Variants in STK35 observed in about 807,000 individuals in gnomAD.
STK35 encodes serine/threonine kinase 35.
Under a neutral mutation model 37.3 loss-of-function variants are expected in STK35, and 17 were observed. The observed-to-expected ratio is 0.46, with a 90% CI of 0.31 to 0.68. The LOEUF (loss-of-function observed/expected upper bound fraction) is 0.68. Among genes scored for constraint, STK35 ranks in the 30% least tolerant of loss-of-function variants. STK35 has a pLI of 0.05. For synonymous variants in STK35, 385 were observed against 319.1 expected (o/e 1.21, Z -2.20); for missense variants, 595 against 746.7 (o/e 0.80, Z 2.37).
chr20:2,102,147 C>G lies in STK35; in HGVS notation c.266C>G (p.Ala89Gly). The G allele has an allele frequency of 3.6e-6, 5 of 1,375,042 alleles. No homozygotes were observed. Among genetic ancestry groups the G allele is most frequent in the Non-Finnish European group, 4.7e-6 (5 of 1,062,540 alleles). 85.2% of individuals were successfully genotyped at this position (1,375,042 alleles called of 1,614,324 possible). A position where few individuals can be genotyped will look rare whatever the true frequency, so the allele number is the denominator to read the frequency against. ...PQAGAPGGKR[A>G]ARKWRCAGQV... is the part of the protein sequence containing the mutation. The stretch of plus-strand genomic sequence containing the variant: ...GCAGGGGCTCCAGGGGGGAAACGGG[C>G]CGCCCGGAAGTGGAGGTGCGCGGGC... Residue 89 changes from alanine (A) to glycine (G), a missense_variant, in exon 1 of 4, where the codon GCC becomes GGC. Physicochemically the swap from Ala to Gly is moderately conservative, Grantham distance 60. Around this residue, in one of 3 missense-constraint regions of STK35, gnomAD observed 389 missense variants for 320.0 expected, o/e 1.22. Coordinates refer to ENST00000381482, the MANE Select transcript of STK35 (RefSeq NM_080836.4).
Position 2,102,102 on chromosome 20 carries a change from C to A in STK35, c.221C>A (p.Pro74His). Residue 74 changes from proline (P) to histidine (H), a missense_variant, in exon 1 of 4, where the codon CCC becomes CAC. Physicochemically the swap from Pro to His is moderately conservative, Grantham distance 77. Transcript: ENST00000381482. ...RAARSRRQPGPGADHPQAGAP... is the reference protein window; with the variant it reads ...RAARSRRQPGHGADHPQAGAP... Reference sequence around the variant, plus strand: ...GCTCGGTCCCGGAGGCAGCCCGGGCCCGGAGCGGACCATCCCCAGGCAGGG... The same window carrying A: ...GCTCGGTCCCGGAGGCAGCCCGGGCACGGAGCGGACCATCCCCAGGCAGGG... The A allele has an allele frequency of 3.4e-6, 5 of 1,460,042 alleles. No individual in the cohort carries two copies. The highest frequency in any genetic ancestry group is 4.5e-6 in the Non-Finnish European group (5 of 1,104,760). 90.4% of individuals were successfully genotyped at this position (1,460,042 alleles called of 1,614,324 possible). A position where few individuals can be genotyped will look rare whatever the true frequency, so the allele number is the denominator to read the frequency against.
rs1324640690 is a variant in STK35 at position 2,116,769 on chromosome 20, A to G, written c.996A>G (p.Pro332=). Residue 332 remains proline, a synonymous_variant, in exon 3 of 4, where the codon CCA becomes CCG. Coordinates refer to ENST00000381482, the MANE Select transcript of STK35 (RefSeq NM_080836.4). ...ATCAGTATGTCCTGTCCCGGAGGCC[A>G]GACCCAGCCACCAACAAAAGTTTCA... ...DLNQYVLSRR[P]DPATNKSFML... 22 of 1,614,112 alleles carry G rather than the reference A, an allele frequency of 1.4e-5. No homozygotes were observed. Among genetic ancestry groups the G allele is most frequent in the Non-Finnish European group, 1.9e-5 (22 of 1,180,044 alleles).
chr20:2,140,981 C>T (rs533316332), intron 3 of STK35, among the ~76,000 whole-genome samples: 14 of 152,166 alleles, frequency 9.2e-5, no homozygotes, highest in Non-Finnish European at 1.9e-4. Context: ...AGGAGATTGT[C>T]CGCAGGGAGG....
chr20:2,109,705 A>G (rs990718417), intron 2 of STK35, among the ~76,000 whole-genome samples: 9 of 152,232 alleles, frequency 5.9e-5, no homozygotes, highest in Non-Finnish European at 1.2e-4. Context: ...AGTCTGCTCT[A>G]GTGTCCAGGC....
intron 3 of STK35, among the ~76,000 whole-genome samples, chr20:2,128,424 A>G (rs904648890): frequency 1.1e-4 from 17 of 152,126 alleles, no homozygotes; most frequent in Non-Finnish European, 2.2e-4. Context: ...CAGAGAACCA[A>G]GGTACCTGAA....
intron 3 of STK35, among the ~76,000 whole-genome samples, chr20:2,120,498 C>A (rs749760646): frequency 6.6e-6 from 1 of 152,190 alleles, no homozygotes; most frequent in African/African-American, 2.4e-5. Flanking sequence ...AATTGTGGGC[C>A]TGGGCCCAGG....
chr20:2,102,291 CT>C, intron 1 of STK35, 116 bp downstream of exon 1: 1 of 1,313,862 alleles, frequency 7.6e-7, no homozygotes, highest in South Asian at 1.7e-5. Flanking sequence ...AGAAGCCGAA[CT>C]TTTCAGCCAA....
At chr20:2,121,291 G>A (rs571799881) in intron 3 of STK35, among the ~76,000 whole-genome samples, 11 of 152,292 alleles carry the variant, frequency 7.2e-5, no homozygotes, top group East Asian at 5.8e-4. Context: ...GAGAGATGAC[G>A]ATGGCTTGAA....
At chr20:2,124,638 T>C (rs1334205027) in intron 3 of STK35, among the ~76,000 whole-genome samples, 1 of 152,140 alleles carries the variant, frequency 6.6e-6, no homozygotes, top group Admixed American at 6.6e-5. Flanking sequence ...CCACAACCCA[T>C]CTCACTAGCA....
chr20:2,120,074 A>C (rs899017742), intron 3 of STK35, among the ~76,000 whole-genome samples: 6 of 152,116 alleles, frequency 3.9e-5, no homozygotes, highest in African/African-American at 1.4e-4. Context: ...CAGTGTTTTA[A>C]ATGTATTTTG....
In STK35 at chr20:2,134,610, G is replaced by C. The variant is rs141044410; in HGVS notation, c.*38-9174G>C. ...TTCTACCATTTAAAAAATGCCTGGG[G>C]CCTGGCGCGGTGGCTCAGGCCTGTA... On this transcript the variant is annotated intron_variant, in intron 3 of 3. Coordinates refer to ENST00000381482, the MANE Select transcript of STK35 (RefSeq NM_080836.4). 5.2e-3 allele frequency among the ~76,000 whole-genome samples: 786 copies of C among 152,104 alleles called. 5 individuals are homozygous for C. Among genetic ancestry groups the C allele is most frequent in the African/African-American group, 0.018 (747 of 41,464 alleles).
At chr20:2,125,637 A>G (rs1285322105) in intron 3 of STK35, among the ~76,000 whole-genome samples, 1 of 152,220 alleles carries the variant, frequency 6.6e-6, no homozygotes, top group Non-Finnish European at 1.5e-5. Context: ...CACTGGTTTC[A>G]GCACAGGCAC....
At chr20:2,102,626 C>T (rs1464156887) in intron 1 of STK35, 142 bp from the exon 2 acceptor site, 3 of 731,656 alleles carry the variant, frequency 4.1e-6, no homozygotes, top group Non-Finnish European at 5.9e-6. Context: ...TTCCCCTCCC[C>T]TCCCCCGTTC....
intron 3 of STK35, among the ~76,000 whole-genome samples, chr20:2,125,329 GAGCCCTGAATTA>G (rs1056455160): frequency 1.3e-5 from 2 of 152,102 alleles, no homozygotes; most frequent in African/African-American, 4.8e-5. Flanking sequence ...TTTTTATTCC[GAGCCCTGAATTA>G]AGCACTTTAC....
At chr20:2,118,536 C>A (rs575418758) in intron 3 of STK35, among the ~76,000 whole-genome samples, 3 of 151,744 alleles carry the variant, frequency 2.0e-5, no homozygotes, top group African/African-American at 7.3e-5. Context: ...GAGCTGAGAT[C>A]GTGCCACTGC....
intron 3 of STK35, among the ~76,000 whole-genome samples, chr20:2,127,557 G>A (rs1211501701): frequency 6.6e-6 from 1 of 152,190 alleles, no homozygotes; most frequent in African/African-American, 2.4e-5. Context: ...CAGACAAACA[G>A]GCTAACTTTA....
intron 2 of STK35, among the ~76,000 whole-genome samples, chr20:2,114,910 T>C (rs780187327): frequency 1.1e-4 from 17 of 152,242 alleles, no homozygotes; most frequent in Non-Finnish European, 2.1e-4. Context: ...CTACCTGTAG[T>C]ACACATTTCT....
chr20:2,119,245 G>C (rs1249943602), intron 3 of STK35, among the ~76,000 whole-genome samples: 1 of 152,188 alleles, frequency 6.6e-6, no homozygotes, highest in Admixed American at 6.5e-5. Context: ...TGACCTTTCG[G>C]GTGTTGATGC....
intron 3 of STK35, among the ~76,000 whole-genome samples, chr20:2,141,669 A>G (rs1986174026): frequency 6.6e-6 from 1 of 152,126 alleles, no homozygotes; most frequent in Non-Finnish European, 1.5e-5. Flanking sequence ...CAAGCACAAC[A>G]TGTTGGTGTA....
Sources: gnomAD v4.1 joint callset for allele counts (sites outside exome capture counted in the v4.1 genomes callset) on GRCh38, gnomAD v4.1.1 for gene constraint, gnomAD v4.1.1 regional missense constraint, MANE v1.5 for transcripts, NCBI Gene and HGNC (gene_info 2026-07-23, HGNC 2026-07-21) for gene names.